Variants in ZNF236 observed in about 807,000 individuals in gnomAD.
ZNF236 encodes the protein regulated by glucose.
In ZNF236, 50 loss-of-function variants were observed where a neutral mutation model predicts 191.2. The ratio of observed to expected loss-of-function variants is 0.26; its 90% CI spans 0.21 to 0.33. The LOEUF is 0.33. Among genes scored for constraint, ZNF236 ranks in the 10% least tolerant of loss-of-function variants. The pLI, the probability that ZNF236 is intolerant of heterozygous loss-of-function variation, is 1.00. For missense variants in ZNF236, 1,754 were observed against 2,374.5 expected (o/e 0.74, Z 5.43); for synonymous variants, 907 against 928.8 (o/e 0.98, Z 0.43).
At chr18:76,913,494 C>A (rs767736011) in intron 17 of ZNF236, among the ~76,000 whole-genome samples, 1 of 152,170 alleles carries the variant, frequency 6.6e-6, no homozygotes, top group Non-Finnish European at 1.5e-5. Flanking sequence ...ATAGGATTTA[C>A]TGTTTTTTAA....
At chr18:76,958,605 G>A (rs562439701) in intron 28 of ZNF236, among the ~76,000 whole-genome samples, 3 of 152,310 alleles carry the variant, frequency 2.0e-5, no homozygotes, top group East Asian at 3.9e-4. Flanking sequence ...CAGTGTGACC[G>A]CAGTTACATC....
chr18:76,914,602 C>T (rs1408970206), intron 18 of ZNF236, among the ~76,000 whole-genome samples: 1 of 152,144 alleles, frequency 6.6e-6, no homozygotes, highest in African/African-American at 2.4e-5. Context: ...CATGAGCCTT[C>T]CCACGTGCCA....
chr18:76,849,366 A>G, intron 1 of ZNF236, 160 bp from the exon 2 acceptor site: 1 of 535,308 alleles, frequency 1.9e-6, no homozygotes, highest in Non-Finnish European at 3.2e-6. Flanking sequence ...ACTTTAAAAC[A>G]TGTCAATTAA....
intron 30 of ZNF236, among the ~76,000 whole-genome samples, chr18:76,965,314 A>G (rs1394850418): frequency 6.6e-6 from 1 of 151,826 alleles, no homozygotes; most frequent in Non-Finnish European, 1.5e-5. Context: ...TGATTTCCTT[A>G]CCTTTGGCTA....
chr18:76,844,209 T>C (rs1305654593), intron 1 of ZNF236, among the ~76,000 whole-genome samples: 1 of 147,674 alleles, frequency 6.8e-6, no homozygotes, highest in Non-Finnish European at 1.5e-5. Flanking sequence ...CAGTGAACTC[T>C]AGCCTGAGTG....
Position 76,868,725 on chromosome 18 carries a change from A to C in ZNF236, c.404A>C (p.Gln135Pro), listed in dbSNP as rs1175254868. The C allele has an allele frequency of 1.2e-6, 2 of 1,613,714 alleles. No homozygotes were observed. Among genetic ancestry groups the C allele is most frequent in the African/African-American group, 2.7e-5 (2 of 74,938 alleles). ...CSECGDEFTLQSQLAVHMEEH... is the reference protein window; with the variant it reads ...CSECGDEFTLPSQLAVHMEEH... ...GAGTGTGGGGATGAGTTTACTCTGC[A>C]GAGTCAGCTGGCCGTGCACATGGAG... Residue 135 changes from glutamine to proline, a missense_variant, in exon 4 of 31, where the codon CAG becomes CCG. This residue lies in a region of ZNF236 where 336 missense variants were observed against 495.1 expected (regional missense o/e 0.68). Coordinates refer to ENST00000320610, the MANE Select transcript of ZNF236 (RefSeq NM_001306089.2).
At chr18:76,862,024 C>T (rs749815354) in intron 3 of ZNF236, among the ~76,000 whole-genome samples, 26 of 152,084 alleles carry the variant, frequency 1.7e-4, no homozygotes, top group Non-Finnish European at 3.5e-4. Context: ...TCACCACGCC[C>T]GGCTAGTTTT....
rs1238840784 is a variant in ZNF236, at chr18:76,960,488, G to T, written c.5243-191G>T. On this transcript the variant is annotated intron_variant, in intron 29 of 30. Transcript: ENST00000320610. The surrounding 1 kb of genome is among the most constrained non-coding windows in gnomAD (Gnocchi z 4.4). ...GATCCCTCCGCCCCATCTGCTGGGG[G>T]TCGTTAGGACCTGGCCAGGCTCCCT... Among the ~76,000 whole-genome samples, 3 of 152,236 alleles carry T rather than the reference G, an allele frequency of 2.0e-5. No homozygotes were observed. Among genetic ancestry groups the T allele is most frequent in the Middle Eastern group, 3.4e-3 (1 of 294 alleles).
intron 9 of ZNF236, among the ~76,000 whole-genome samples, chr18:76,882,628 A>G (rs1037695627): frequency 7.2e-5 from 11 of 152,198 alleles, no homozygotes; most frequent in African/African-American, 2.7e-4. Flanking sequence ...CATTTCTGTT[A>G]ACACTTCTTT....
chr18:76,845,551 T>TA (rs898745113), intron 1 of ZNF236, among the ~76,000 whole-genome samples: 6 of 151,830 alleles, frequency 4.0e-5, no homozygotes, highest in Middle Eastern at 3.4e-3. Flanking sequence ...TAGCTGTCTT[T>TA]AAAAAAAATG....
At chr18:76,862,889 A>G (rs1293593543) in intron 3 of ZNF236, among the ~76,000 whole-genome samples, 2 of 152,260 alleles carry the variant, frequency 1.3e-5, no homozygotes, top group Non-Finnish European at 2.9e-5. Context: ...GAACAAGGAA[A>G]GAGCGGTATC....
chr18:76,829,335 T>G (rs1211457571), intron 1 of ZNF236, among the ~76,000 whole-genome samples: 1 of 150,798 alleles, frequency 6.6e-6, no homozygotes, highest in Non-Finnish European at 1.5e-5. Flanking sequence ...GGGGAGGTTT[T>G]TTTTTTTTTT....
At chr18:76,951,343 T>C (rs1200405107) in intron 27 of ZNF236, among the ~76,000 whole-genome samples, 1 of 152,214 alleles carries the variant, frequency 6.6e-6, no homozygotes, top group Non-Finnish European at 1.5e-5. Context: ...TGGAGTGACC[T>C]TCATCGATGC....
chr18:76,953,325 T>G lies in ZNF236; in HGVS notation c.4915-2660T>G, dbSNP rs552050325. ...ACTCACTGCTTAAGGGGCCATGGCC[T>G]TCTTTTGAAACTGGTTTTGCAGGAG... On this transcript the variant is annotated intron_variant, in intron 27 of 30. Coordinates refer to ENST00000320610, the MANE Select transcript of ZNF236 (RefSeq NM_001306089.2). Among the ~76,000 whole-genome samples, 12 of 152,330 alleles carry G rather than the reference T, an allele frequency of 7.9e-5. No homozygotes were observed. In the South Asian group the frequency reaches 2.5e-3, roughly 32 times the overall value.
At chr18:76,826,756 C>T (rs1486823245) in intron 1 of ZNF236, among the ~76,000 whole-genome samples, 1 of 148,112 alleles carries the variant, frequency 6.8e-6, no homozygotes, top group African/African-American at 2.5e-5. Flanking sequence ...GCTGAGGTCG[C>T]GCCACTGCAC....
intron 25 of ZNF236, chr18:76,936,180 G>C: frequency 2.2e-6 from 1 of 446,338 alleles, no homozygotes; most frequent in South Asian, 1.6e-5. Context: ...AACCTGGTTA[G>C]GCAATAGCTT....
chr18:76,895,355 C>T, intron 10 of ZNF236, 70 bp downstream of exon 10: 2 of 1,569,366 alleles, frequency 1.3e-6, no homozygotes, highest in Non-Finnish European at 1.7e-6. Context: ...CGCACATATA[C>T]CAAACACAGG....
intron 25 of ZNF236, among the ~76,000 whole-genome samples, chr18:76,933,217 C>T (rs1158814274): frequency 6.6e-6 from 1 of 152,136 alleles, no homozygotes; most frequent in Non-Finnish European, 1.5e-5. Context: ...GCCTGTAATC[C>T]CAGCACTTAG....
chr18:76,831,841 ATCT>A (rs1362201734), intron 1 of ZNF236, among the ~76,000 whole-genome samples: 2 of 152,162 alleles, frequency 1.3e-5, no homozygotes, highest in Non-Finnish European at 2.9e-5. Context: ...CCATCTGTGT[ATCT>A]TCTTTGGTGA....
Sources: allele counts gnomAD v4.1 joint callset (sites outside exome capture counted in the v4.1 genomes callset), GRCh38; gene constraint gnomAD v4.1.1; regional missense constraint gnomAD v4.1.1; non-coding constraint Gnocchi (gnomAD v3.1); transcripts MANE v1.5; gene names NCBI Gene and HGNC (gene_info 2026-07-23, HGNC 2026-07-21).